RP1: variants seen among roughly 807,000 people sequenced by gnomAD.
The protein encoded by RP1 is oxygen-regulated protein 1.
Under a neutral mutation model 14.8 loss-of-function variants are expected in RP1, and 16 were observed. The observed-to-expected ratio is 1.08, with a 90% CI of 0.73 to 1.65. The LOEUF (loss-of-function observed/expected upper bound fraction) is 1.65, where lower values mean the gene tolerates loss of function less well. Among genes scored for constraint, RP1 ranks in the 40% most tolerant of loss-of-function variants. The pLI is 0.00. For missense variants in RP1, 2,631 were observed against 2,535.0 expected (o/e 1.04, Z -0.81); for synonymous variants, 876 against 883.6 (o/e 0.99, Z 0.15).
rs1420347601 is a variant in RP1, at chr8:54,794,292, C to T, written c.3615+10582C>T. Among the ~76,000 whole-genome samples the T allele has an allele frequency of 3.3e-5, 5 of 151,712 alleles. No individual in the cohort carries two copies. The East Asian group carries it at 7.7e-4, about 23-fold the overall frequency. On this transcript the variant is annotated intron_variant, in intron 24 of 28. Transcript: ENST00000637698. ...AAAAAGAACAAAGCTGGATGCATTG[C>T]ATTATCTGATTTCACACTATATTCT...
intron 1 of RP1, among the ~76,000 whole-genome samples, chr8:54,581,003 TATTTA>T (rs1804779196): frequency 1.6e-4 from 12 of 77,200 alleles, no homozygotes; most frequent in Non-Finnish European, 4.3e-4. Context: ...TTTATTTATC[TATTTA>T]TTTTTTTTTA....
At chr8:54,762,953 G>A (rs989611601) in intron 22 of RP1, among the ~76,000 whole-genome samples, 7 of 152,032 alleles carry the variant, frequency 4.6e-5, no homozygotes, top group African/African-American at 1.2e-4. Context: ...GGACACTGTC[G>A]TCATTGGACT....
intron 27 of RP1, among the ~76,000 whole-genome samples, chr8:54,861,408 A>G (rs1205105714): frequency 6.6e-6 from 1 of 152,166 alleles, no homozygotes; most frequent in Non-Finnish European, 1.5e-5. Context: ...CTTTTGTGAC[A>G]TGATTTTTTT....
chr8:54,787,735 A>T (rs1216780837), intron 24 of RP1, among the ~76,000 whole-genome samples: 6 of 152,300 alleles, frequency 3.9e-5, no homozygotes, highest in African/African-American at 9.6e-5. Context: ...TTTAATATTT[A>T]TTGTGAACTC....
chr8:54,602,625 A>G (rs1805319611), intron 1 of RP1, among the ~76,000 whole-genome samples: 1 of 152,236 alleles, frequency 6.6e-6, no homozygotes, highest in Admixed American at 6.5e-5. Context: ...GACTTCCACA[A>G]TGGTTGAACC....
chr8:54,770,325 G>A (rs1809870797), downstream of RP1, among the ~76,000 whole-genome samples: 1 of 151,832 alleles, frequency 6.6e-6, no homozygotes, highest in Non-Finnish European at 1.5e-5. Context: ...CATTATAGTT[G>A]ATTTATAAAG....
chr8:54,625,523 T>G lies in RP1; in HGVS notation c.1641T>G (p.Ala547=), dbSNP rs374344876. The G allele has an allele frequency of 1.4e-5, 22 of 1,613,938 alleles. No homozygotes were observed. Among genetic ancestry groups the G allele is most frequent in the Non-Finnish European group, 1.8e-5 (21 of 1,180,032 alleles). ...NSLLKSSAIS[A]GVIEITSQKM... ...TGCTTAAGTCAAGTGCAATAAGTGC[T>G]GGTGTTATAGAAATTACAAGTCAGA... The change falls in exon 4 of 4, where the codon GCT becomes GCG. Residue 547 remains alanine, a synonymous_variant. Coordinates refer to ENST00000220676, the MANE Select transcript of RP1 (RefSeq NM_006269.2).
chr8:54,810,088 T>C (rs905731013), intron 24 of RP1, among the ~76,000 whole-genome samples: 1 of 152,322 alleles, frequency 6.6e-6, no homozygotes, highest in Non-Finnish European at 1.5e-5. Context: ...CCTGACCATA[T>C]GCTCTAGTGA....
At chr8:54,737,807 A>G (rs1808970306) in intron 18 of RP1, among the ~76,000 whole-genome samples, 1 of 152,126 alleles carries the variant, frequency 6.6e-6, no homozygotes, top group South Asian at 2.1e-4. Context: ...TTTCTGGGTG[A>G]TTTGACTGTC....
chr8:54,751,040 G>C (rs1283917471), intron 19 of RP1, among the ~76,000 whole-genome samples: 2 of 152,166 alleles, frequency 1.3e-5, no homozygotes, highest in African/African-American at 4.8e-5. Flanking sequence ...CTCACTCTTT[G>C]GGTCCGTGCC....
rs541518847 is a variant in RP1 at position 54,741,979 on chromosome 8, C to A, written c.2808+2950C>A. 1.2e-3 allele frequency among the ~76,000 whole-genome samples: 185 copies of A among 151,740 alleles called. 1 individual carries two copies. Among genetic ancestry groups the A allele is most frequent in the African/African-American group, 4.3e-3 (177 of 41,376 alleles). ...TAGGTACCATTAATATCCTATTTTA[C>A]ATATGAGAAAACTGAGGCTCGATCA... On this transcript the variant is annotated intron_variant, in intron 19 of 22. Transcript: ENST00000636932.
intron 15 of RP1, among the ~76,000 whole-genome samples, chr8:54,716,019 G>A (rs1221980164): frequency 2.6e-5 from 4 of 152,170 alleles, no homozygotes; most frequent in Non-Finnish European, 5.9e-5. Context: ...AATGTAAAAT[G>A]ACATTGATTT....
At chr8:54,832,295 C>G (rs1247312498) in intron 24 of RP1, among the ~76,000 whole-genome samples, 1 of 151,636 alleles carries the variant, frequency 6.6e-6, no homozygotes, top group African/African-American at 2.4e-5. Context: ...TTAATTGATA[C>G]TGTCTCATAG....
intron 22 of RP1, among the ~76,000 whole-genome samples, chr8:54,762,422 G>T (rs1344593438): frequency 6.6e-6 from 1 of 152,072 alleles, no homozygotes; most frequent in East Asian, 1.9e-4. Context: ...CTCTTCAACT[G>T]AACACCCACG....
intron 27 of RP1, among the ~76,000 whole-genome samples, chr8:54,858,514 C>T (rs987171923): frequency 1.4e-4 from 22 of 151,748 alleles, no homozygotes; most frequent in Admixed American, 7.9e-4. Context: ...CACTGTGGAA[C>T]GCTGTCACTG....
chr8:54,809,777 G>A (rs1420026872), intron 24 of RP1, among the ~76,000 whole-genome samples: 2 of 152,206 alleles, frequency 1.3e-5, no homozygotes, highest in Non-Finnish European at 2.9e-5. Context: ...AGTAAGTGGT[G>A]ACTTCAGCTA....
chr8:54,830,762 A>C (rs1270349470), intron 24 of RP1, among the ~76,000 whole-genome samples: 1 of 152,138 alleles, frequency 6.6e-6, no homozygotes, highest in Non-Finnish European at 1.5e-5. Flanking sequence ...CAGTTAGTAC[A>C]TTTAGTGGTT....
upstream of RP1, among the ~76,000 whole-genome samples, chr8:54,612,360 A>G (rs1281699711): frequency 6.6e-6 from 1 of 152,216 alleles, no homozygotes; most frequent in African/African-American, 2.4e-5. Context: ...GCTGCCTGCC[A>G]TGGGGCTGGG....
chr8:54,849,959 C>CA (rs2129407672), intron 25 of RP1, among the ~76,000 whole-genome samples: 1 of 152,224 alleles, frequency 6.6e-6, no homozygotes, highest in East Asian at 1.9e-4. Context: ...AATTGGGTGA[C>CA]AATTGTGGCA....
Sources: allele counts gnomAD v4.1 joint callset (sites outside exome capture counted in the v4.1 genomes callset), GRCh38; gene constraint gnomAD v4.1.1; transcripts MANE v1.5; gene names NCBI Gene and HGNC (gene_info 2026-07-23, HGNC 2026-07-21).